Variants in KIF14 observed in about 807,000 individuals in gnomAD.
KIF14 encodes the protein kinesin-like protein KIF14.
KIF14 carries 98 observed loss-of-function variants against 176.2 expected under a neutral mutation model. That is an observed-to-expected ratio of 0.56 (90% CI 0.47 to 0.66). The LOEUF (loss-of-function observed/expected upper bound fraction) is 0.66, where lower values mean the gene tolerates loss of function less well. KIF14 is among the 30% of genes least tolerant of loss of function. The pLI, the probability that KIF14 is intolerant of heterozygous loss-of-function variation, is 0.00. For synonymous variants in KIF14, 566 were observed against 632.2 expected, an observed-to-expected ratio of 0.90 and a Z score of 1.57; for missense variants, 1,751 against 1,920.4, an observed-to-expected ratio of 0.91 and a Z score of 1.65.
Position 200,617,778 on chromosome 1 carries a change from T to A in KIF14, c.946A>T (p.Arg316Ter). 1.2e-6 allele frequency: 2 copies of A among 1,614,214 alleles called. No homozygotes were observed. Among genetic ancestry groups the A allele is most frequent in the Non-Finnish European group, 1.7e-6 (2 of 1,180,022 alleles). The change falls in exon 2 of 30, where the codon AGA (arginine) becomes TGA (stop). Residue 316 changes from arginine (R) to a stop codon, truncating the protein, a stop_gained. Coordinates refer to ENST00000367350, the MANE Select transcript of KIF14 (RefSeq NM_014875.3). LOFTEE classifies it high-confidence loss of function. ...TTTGCAAGAAAGGAACTTTTTGGTCTTTGTTTAACTTGAAGGTTAGACATT... is the reference window on the plus strand; with the variant it reads ...TTTGCAAGAAAGGAACTTTTTGGTCATTGTTTAACTTGAAGGTTAGACATT... ...NRMSNLQVKQRPKSSFLANKQ... is the reference protein window; with the variant it reads ...NRMSNLQVKQ
intron 18 of KIF14, among the ~76,000 whole-genome samples, chr1:200,587,380 A>G (rs1199664923): frequency 6.6e-6 from 1 of 150,804 alleles, no homozygotes; most frequent in African/African-American, 2.4e-5. Context: ...AAAAGGCAGA[A>G]AAAAAAGAAG....
intron 3 of KIF14, 92 bp downstream of exon 3, chr1:200,615,263 T>C: frequency 7.6e-7 from 1 of 1,320,834 alleles, no homozygotes; most frequent in Non-Finnish European, 1.0e-6. Context: ...CTGTGTGATT[T>C]CAAAACTATA....
Position 200,603,820 on chromosome 1 carries a change from G to A in KIF14, c.1863+19C>T. On this transcript the variant is annotated intron_variant, in intron 9 of 29. Transcript: ENST00000367350. ...TCAGGAATAAATTTCATCAAAAGGA[G>A]AAAAAGCATTCCATTTACCTTTAGT... is the stretch of plus-strand genomic sequence containing the variant. The A allele has an allele frequency of 6.9e-7, 1 of 1,454,358 alleles. No homozygotes were observed. Among genetic ancestry groups the A allele is most frequent in the Non-Finnish European group, 9.7e-7 (1 of 1,035,676 alleles). The allele number at this position is 1,454,358 out of a possible 1,614,324, so 90.1% of individuals were successfully genotyped here.
At chr1:200,574,268 T>C (rs1657978802) in intron 22 of KIF14, among the ~76,000 whole-genome samples, 1 of 152,170 alleles carries the variant, frequency 6.6e-6, no homozygotes, top group Non-Finnish European at 1.5e-5. Context: ...CACCTGGATG[T>C]CCCCTGAGAA....
intron 14 of KIF14, among the ~76,000 whole-genome samples, chr1:200,594,843 A>G (rs10494824): frequency 0.15 from 23,184 of 152,142 alleles, 2,278 homozygotes; most frequent in East Asian, 0.39. Flanking sequence ...CATGGAAACA[A>G]TAGTTCACCC....
In KIF14 at chr1:200,565,551, T is replaced by C. The variant is rs779305287; in HGVS notation, c.3780A>G (p.Glu1260=). The change falls in exon 24 of 30, where the codon GAA becomes GAG. Residue 1260 remains glutamate, a synonymous_variant. Coordinates refer to ENST00000367350, the MANE Select transcript of KIF14 (RefSeq NM_014875.3). ...LDFFGQSYDE[E]RTIADSLINS... ...TAATTAGGCTGTCTGCTATAGTTCT[T>C]TCTTCATCATAACTCTGTCCAAAAA... 1 of 1,611,970 alleles carries C rather than the reference T, an allele frequency of 6.2e-7. No homozygotes were observed. The highest frequency in any genetic ancestry group is 2.2e-5 in the East Asian group (1 of 44,804).
At chr1:200,595,097 T>G (rs1480976629) in intron 14 of KIF14, among the ~76,000 whole-genome samples, 1 of 152,208 alleles carries the variant, frequency 6.6e-6, no homozygotes, top group Admixed American at 6.5e-5. Context: ...GAATTTGCCT[T>G]AATGTCAGCT....
chr1:200,592,325 A>G lies in KIF14; in HGVS notation c.2653-85T>C, dbSNP rs1659096554. 8.5e-6 allele frequency: 9 copies of G among 1,059,938 alleles called. No individual in the cohort carries two copies. The South Asian group carries it at 1.4e-4, about 16-fold the overall frequency. 65.7% of individuals were successfully genotyped at this position (1,059,938 alleles called of 1,614,324 possible). A position where few individuals can be genotyped will look rare whatever the true frequency, so the allele number is the denominator to read the frequency against. ...AAAATTTATTTTGCCCAACAATTCA[A>G]TATAGTCTAGTATTAATGATAAACA... On this transcript the variant is annotated intron_variant, in intron 15 of 29. Coordinates refer to ENST00000367350, the MANE Select transcript of KIF14 (RefSeq NM_014875.3).
intron 25 of KIF14, 70 bp from the exon 26 acceptor site, chr1:200,560,950 G>A: frequency 7.0e-7 from 1 of 1,420,296 alleles, no homozygotes; most frequent in South Asian, 1.2e-5. Flanking sequence ...AAAGATAAGG[G>A]CCGGGCACAG....
At chr1:200,588,053 T>C (rs923936074) in intron 18 of KIF14, among the ~76,000 whole-genome samples, 2 of 151,888 alleles carry the variant, frequency 1.3e-5, no homozygotes, top group African/African-American at 2.4e-5. Flanking sequence ...AAAAGAGAAA[T>C]AAAATTGCCA....
intron 25 of KIF14, among the ~76,000 whole-genome samples, chr1:200,564,661 G>A (rs577720397): frequency 6.6e-6 from 1 of 152,252 alleles, no homozygotes; most frequent in South Asian, 2.1e-4. Context: ...CCCTTATTGA[G>A]GGCCAGCATG....
Position 200,565,570 on chromosome 1 carries a change from C to A in KIF14, c.3761G>T (p.Gly1254Val). 1 of 1,611,236 alleles carries A rather than the reference C, an allele frequency of 6.2e-7. No homozygotes were observed. Among genetic ancestry groups the A allele is most frequent in the Admixed American group, 1.7e-5 (1 of 59,578 alleles). ...AGTTCTTTCTTCATCATAACTCTGT[C>A]CAAAAAAATCTAACGAAGAACCAAT... ...ELIGSSLDFF[G>V]QSYDEERTIA... Residue 1254 changes from glycine to valine, a missense_variant, in exon 24 of 30, where the codon GGA becomes GTA. Physicochemically the swap from Gly to Val is moderately radical, Grantham distance 109. Transcript: ENST00000367350.
rs145547152 is a variant in KIF14, at chr1:200,553,500, C to T, written c.4835G>A (p.Gly1612Glu). The T allele has an allele frequency of 4.2e-5, 67 of 1,613,912 alleles. No homozygotes were observed. In the African/African-American group the frequency reaches 8.4e-4, roughly 20 times the overall value. Residue 1612 changes from glycine (G) to glutamate (E), a missense_variant, in exon 30 of 30, where the codon GGG becomes GAG. By Grantham distance (98) the Gly-to-Glu change is moderately conservative. Transcript: ENST00000367350. ...KEEHQQSKSS[G>E]IDGSKNKGVP... ...ACCTTTATTCTTACTGCCGTCAATC[C>T]CGCTTGATTTAGATTGTTGGTGTTC...
chr1:200,578,469 T>C (rs893586461), intron 21 of KIF14, among the ~76,000 whole-genome samples: 19 of 152,128 alleles, frequency 1.2e-4, no homozygotes, highest in African/African-American at 4.6e-4. Flanking sequence ...TGCAACTATT[T>C]TAGGGATAAT....
intron 27 of KIF14, among the ~76,000 whole-genome samples, chr1:200,556,948 T>G (rs561510276): frequency 1.3e-5 from 2 of 152,378 alleles, no homozygotes; most frequent in South Asian, 4.1e-4. Flanking sequence ...CTTGATTTAG[T>G]GACAATATGA....
At chr1:200,577,448 G>A (rs529207639) in intron 21 of KIF14, among the ~76,000 whole-genome samples, 2 of 151,748 alleles carry the variant, frequency 1.3e-5, no homozygotes, top group South Asian at 2.1e-4. Flanking sequence ...GTGAGCCACC[G>A]TGCCCAGCCC....
At chr1:200,588,491 A>G (rs1420558134) in intron 18 of KIF14, among the ~76,000 whole-genome samples, 2 of 152,054 alleles carry the variant, frequency 1.3e-5, no homozygotes, top group Non-Finnish European at 2.9e-5. Context: ...CACCCGCCTC[A>G]GCCTCCCAAA....
intron 23 of KIF14, among the ~76,000 whole-genome samples, 153 bp downstream of exon 23, chr1:200,569,758 G>A (rs572863600): frequency 6.6e-6 from 1 of 152,266 alleles, no homozygotes; most frequent in African/African-American, 2.4e-5. Context: ...TTTTTGAAGC[G>A]GAAGGGGTCA....
chr1:200,615,656 G>A, intron 2 of KIF14, 47 bp from the exon 3 acceptor site: 1 of 1,510,828 alleles, frequency 6.6e-7, no homozygotes, highest in Non-Finnish European at 9.0e-7. Context: ...AAATGATCAA[G>A]GGTATTATTC....
Sources: gnomAD v4.1 joint callset for allele counts (sites outside exome capture counted in the v4.1 genomes callset) on GRCh38, gnomAD v4.1.1 for gene constraint, MANE v1.5 for transcripts, NCBI Gene and HGNC (gene_info 2026-07-23, HGNC 2026-07-21) for gene names.